Variants in PDE6A observed in about 807,000 individuals in gnomAD.
The protein encoded by PDE6A is phosphodiesterase 6A, also known as rod cGMP-specific 3',5'-cyclic phosphodiesterase subunit alpha.
A neutral mutation model predicts 106.3 loss-of-function variants in PDE6A; 84 were observed. The ratio of observed to expected loss-of-function variants is 0.79; its 90% CI spans 0.66 to 0.95. PDE6A has a LOEUF of 0.95. Among genes scored for constraint, PDE6A ranks in the 40% least tolerant of loss-of-function variants. The pLI is 0.00. For synonymous variants in PDE6A, 394 were observed against 386.6 expected, an observed-to-expected ratio of 1.02 and a Z score of -0.23; for missense variants, 1,052 against 1,084.9, an observed-to-expected ratio of 0.97 and a Z score of 0.43.
chr5:149,926,659 A>C (rs77771620), intron 4 of PDE6A, among the ~76,000 whole-genome samples: 16,030 of 152,230 alleles, frequency 0.11, 1,122 homozygotes, highest in Admixed American at 0.2. Context: ...TTCAGAACTT[A>C]TATTCATAAA....
At chr5:149,870,946 G>A (rs28641546) in intron 17 of PDE6A, among the ~76,000 whole-genome samples, 13,018 of 147,250 alleles carry the variant, frequency 0.088, 1,016 homozygotes, top group African/African-American at 0.22. Context: ...GAGAAGAGAA[G>A]AGAAAAGAAA....
intron 1 of PDE6A, among the ~76,000 whole-genome samples, chr5:149,938,883 T>C (rs1404682580): frequency 6.6e-6 from 1 of 152,172 alleles, no homozygotes; most frequent in Admixed American, 6.5e-5. Context: ...ACCTTTGTGA[T>C]TTCGCATTTC....
intron 4 of PDE6A, among the ~76,000 whole-genome samples, chr5:149,928,231 AT>A (rs1165259453): frequency 0.012 from 246 of 19,744 alleles, 1 homozygote; most frequent in Middle Eastern, 0.048. Flanking sequence ...ATATATATAT[AT>A]TTTTTTTTTT....
At chr5:149,918,801 T>A (rs1753626603) in intron 5 of PDE6A, among the ~76,000 whole-genome samples, 1 of 151,970 alleles carries the variant, frequency 6.6e-6, no homozygotes, top group Middle Eastern at 3.4e-3. Context: ...CTTTTTTTTT[T>A]AGTTAGAGAC....
rs1213862425 is a variant in PDE6A at position 149,863,699 on chromosome 5, C to G, written c.2359-433G>C. On this transcript the variant is annotated intron_variant, in intron 20 of 21. Transcript: ENST00000255266. The surrounding 1 kb of genome is among the most constrained non-coding windows in gnomAD (Gnocchi z 4.7). ...AGTGCAGTGGCACAAACATAGCTCA[C>G]TGCAGCCTCAAACTCCTGGGCTCAA... 1.3e-5 allele frequency among the ~76,000 whole-genome samples: 2 copies of G among 152,154 alleles called. No individual in the cohort carries two copies. Among genetic ancestry groups the G allele is most frequent in the Non-Finnish European group, 2.9e-5 (2 of 68,028 alleles).
intron 4 of PDE6A, among the ~76,000 whole-genome samples, chr5:149,930,556 G>A (rs1180752452): frequency 6.6e-6 from 1 of 152,212 alleles, no homozygotes. Context: ...TGCTGTATCT[G>A]CCACAAATCT....
intron 14 of PDE6A, among the ~76,000 whole-genome samples, chr5:149,885,475 T>C (rs1188156112): frequency 6.6e-6 from 1 of 152,252 alleles, no homozygotes; most frequent in Non-Finnish European, 1.5e-5. Flanking sequence ...CTATGCTTTA[T>C]GGGCTGTCTG....
chr5:149,944,135 C>T, intron 1 of PDE6A, 65 bp downstream of exon 1: 1 of 1,320,668 alleles, frequency 7.6e-7, no homozygotes, highest in South Asian at 1.2e-5. Context: ...CCCCTCACCC[C>T]ACCTGTACCC....
chr5:149,921,230 A>AAGGTTACT (rs1257929211), intron 5 of PDE6A, among the ~76,000 whole-genome samples: 1 of 152,072 alleles, frequency 6.6e-6, no homozygotes, highest in Admixed American at 6.6e-5. Context: ...TCTACCCCGC[A>AAGGTTACT]AGGTTACTGT....
intron 6 of PDE6A, among the ~76,000 whole-genome samples, chr5:149,913,502 C>T (rs1323364543): frequency 6.6e-6 from 1 of 152,044 alleles, no homozygotes; most frequent in African/African-American, 2.4e-5. Flanking sequence ...TCACCGGTAA[C>T]AGACAACCCT....
At chr5:149,920,969 A>G (rs1561769336) in intron 5 of PDE6A, among the ~76,000 whole-genome samples, 1 of 131,246 alleles carries the variant, frequency 7.6e-6, no homozygotes, top group African/African-American at 4.0e-5. Context: ...AAAGAAAGAA[A>G]GAAAGAAAGA....
chr5:149,913,281 C>A (rs1753441760), intron 6 of PDE6A, among the ~76,000 whole-genome samples: 1 of 151,408 alleles, frequency 6.6e-6, no homozygotes, highest in African/African-American at 2.4e-5. Context: ...ACTCGGGAGG[C>A]TGAGGCAGGA....
At chr5:149,927,689 C>T (rs1226206246) in intron 4 of PDE6A, among the ~76,000 whole-genome samples, 1 of 151,876 alleles carries the variant, frequency 6.6e-6, no homozygotes, top group African/African-American at 2.4e-5. Context: ...ACACATTATA[C>T]AGCTGTACAA....
chr5:149,900,718 G>C (rs1232058815), intron 8 of PDE6A, among the ~76,000 whole-genome samples: 1 of 152,034 alleles, frequency 6.6e-6, no homozygotes, highest in Non-Finnish European at 1.5e-5. Flanking sequence ...TGGTGAGAGA[G>C]TGTCTCCAAA....
intron 7 of PDE6A, among the ~76,000 whole-genome samples, chr5:149,906,519 C>CAAAAAAGAAAAAAAAAAAAAAA (rs1753189195): frequency 1.8e-5 from 1 of 54,204 alleles, no homozygotes; most frequent in Non-Finnish European, 4.0e-5. Context: ...GAGACACTGT[C>CAAAAAAGAAAAAAAAAAAAAAA]AAAAAAAAAA....
At chr5:149,921,519 G>T in intron 5 of PDE6A, 116 bp downstream of exon 5, 1 of 762,564 alleles carries the variant, frequency 1.3e-6, no homozygotes, top group Non-Finnish European at 2.3e-6. Context: ...CTTCAAAGGA[G>T]ACAACCCAAC....
At chr5:149,888,482 T>C (rs1403083327) in intron 13 of PDE6A, among the ~76,000 whole-genome samples, 1 of 146,812 alleles carries the variant, frequency 6.8e-6, no homozygotes, top group Non-Finnish European at 1.5e-5. Flanking sequence ...ATTAATATGT[T>C]ATTTATAATA....
intron 3 of PDE6A, among the ~76,000 whole-genome samples, chr5:149,931,752 T>C (rs1206547601): frequency 5.3e-5 from 8 of 152,240 alleles, no homozygotes; most frequent in Non-Finnish European, 1.0e-4. Flanking sequence ...CTACAGACTC[T>C]CTCCCATTCA....
chr5:149,878,581 T>C (rs967108075), intron 17 of PDE6A, among the ~76,000 whole-genome samples: 2 of 152,204 alleles, frequency 1.3e-5, no homozygotes, highest in Admixed American at 6.5e-5. Context: ...ACAGCTTTGA[T>C]AGGTGTTGCC....
Sources: gnomAD v4.1 joint callset for allele counts (sites outside exome capture counted in the v4.1 genomes callset) on GRCh38, gnomAD v4.1.1 for gene constraint, Gnocchi (gnomAD v3.1) non-coding constraint, MANE v1.5 for transcripts, NCBI Gene and HGNC (gene_info 2026-07-23, HGNC 2026-07-21) for gene names.